Variants in DRD3 observed in about 807,000 individuals in gnomAD.
DRD3 encodes the protein dopamine receptor D3.
Under a neutral mutation model 36.3 loss-of-function variants are expected in DRD3, and 19 were observed. The ratio of observed to expected loss-of-function variants is 0.52; its 90% CI spans 0.36 to 0.77. DRD3 has a LOEUF of 0.77. Among genes scored for constraint, DRD3 ranks in the 30% least tolerant of loss-of-function variants. The probability of loss-of-function intolerance (pLI) is 0.00; values close to 1 mark genes in which losing one functional copy is unlikely to be tolerated. For synonymous variants in DRD3, 195 were observed against 203.7 expected, an observed-to-expected ratio of 0.96 and a Z score of 0.36; for missense variants, 465 against 505.3, an observed-to-expected ratio of 0.92 and a Z score of 0.77.
rs143953030 is a variant in DRD3, at chr3:114,171,864, G to A, written c.129C>T (p.Ile43=). 183 of 1,613,706 alleles carry A rather than the reference G, an allele frequency of 1.1e-4. 1 individual carries two copies. The African/African-American group carries it at 2.1e-3, about 18-fold the overall frequency. The change falls in exon 2 of 7, where the codon ATC becomes ATT. Residue 43 remains isoleucine (I), a synonymous_variant. Coordinates refer to ENST00000383673, the MANE Select transcript of DRD3 (RefSeq NM_000796.6). ...ALSYCALILA[I]VFGNGLVCMA... ...TGCACACCAGGCCATTGCCGAAGAC[G>A]ATGGCCAGGATGAGCGCGCAGTAGG... is the stretch of plus-strand genomic sequence containing the variant.
chr3:114,162,963 G>A (rs1250376109), intron 2 of DRD3, among the ~76,000 whole-genome samples: 2 of 152,198 alleles, frequency 1.3e-5, no homozygotes, highest in African/African-American at 4.8e-5. Context: ...TGCCTTTGGG[G>A]TTGGTGAAAG....
At chr3:114,139,462 G>A in intron 5 of DRD3, 38 bp downstream of exon 5, 1 of 1,577,774 alleles carries the variant, frequency 6.3e-7, no homozygotes, top group Non-Finnish European at 8.7e-7. Flanking sequence ...TCAGGAGATT[G>A]GGTGTTGTCT....
At chr3:114,162,082 T>C (rs2077738408) in intron 2 of DRD3, among the ~76,000 whole-genome samples, 1 of 152,216 alleles carries the variant, frequency 6.6e-6, no homozygotes, top group African/African-American at 2.4e-5. Flanking sequence ...TGCAGCAGTG[T>C]ATGTCATGTG....
At chr3:114,190,710 G>GT (rs5851918) in intron 1 of DRD3, among the ~76,000 whole-genome samples, 151,519 of 151,520 alleles carry the variant, frequency 1, 75,759 homozygotes, top group Non-Finnish European at 1. Flanking sequence ...TTTCCACTAT[G>GT]TCATGGTACT....
In DRD3 at chr3:114,136,676, T is replaced by G. The variant is rs144275599; in HGVS notation, c.723+2824A>C. 9.7e-3 allele frequency among the ~76,000 whole-genome samples: 1,480 copies of G among 152,318 alleles called. 31 individuals carry two copies. The highest frequency in any genetic ancestry group is 0.034 in the African/African-American group (1,396 of 41,558). On this transcript the variant is annotated intron_variant, in intron 5 of 6. Transcript: ENST00000383673. ...AGAAAGTCATTAACTATACTGAGAT[T>G]GAACAAAGCTCAGACCTTAATTATT...
At chr3:114,159,058 A>G (rs2077707902) in intron 3 of DRD3, among the ~76,000 whole-genome samples, 3 of 152,144 alleles carry the variant, frequency 2.0e-5, no homozygotes. Context: ...AGGGAGAAAC[A>G]GAGGGACCCA....
chr3:114,130,806 G>GTTATTTAAATATTTTAAATAA, intron 6 of DRD3, among the ~76,000 whole-genome samples: 4 of 151,986 alleles, frequency 2.6e-5, no homozygotes, highest in African/African-American at 9.7e-5. Flanking sequence ...AAATAACTAA[G>GTTATTTAAATATTTTAAATAA]CATTTGTTAA....
intron 1 of DRD3, among the ~76,000 whole-genome samples, chr3:114,193,241 T>C (rs2078021127): frequency 6.6e-6 from 1 of 152,186 alleles, no homozygotes; most frequent in Admixed American, 6.5e-5. Flanking sequence ...ATCGCGCCAC[T>C]GCACTCCAGC....
chr3:114,128,902 A>C lies in DRD3; in HGVS notation c.1017T>G (p.Ile339Met). 6.3e-7 allele frequency: 1 copy of C among 1,599,852 alleles called. No individual in the cohort carries two copies. The highest frequency in any genetic ancestry group is 8.5e-7 in the Non-Finnish European group (1 of 1,173,190). The change falls in exon 7 of 7, where the codon ATT (isoleucine) becomes ATG (methionine). Residue 339 changes from isoleucine to methionine, a missense_variant. Transcript: ENST00000383673. ...QMVAIVLGAF[I>M]VCWLPFFLTH... ...TCAAGAAGAAGGGCAGCCAGCAGAC[A>C]ATGAAGGCCCCTAAGTTGCCAAATA... is the stretch of plus-strand genomic sequence containing the variant.
upstream of DRD3, among the ~76,000 whole-genome samples, chr3:114,179,613 C>T (rs2077934438): frequency 6.6e-6 from 1 of 152,146 alleles, no homozygotes; most frequent in Non-Finnish European, 1.5e-5. Flanking sequence ...CATAAACAAT[C>T]CTAACTTATG....
At chr3:114,151,412 C>T (rs900033124) in intron 3 of DRD3, among the ~76,000 whole-genome samples, 3 of 152,164 alleles carry the variant, frequency 2.0e-5, no homozygotes, top group African/African-American at 7.2e-5. Flanking sequence ...TGGCTAACAA[C>T]AGGCTCTGTA....
In DRD3 at chr3:114,190,011, C is replaced by G. The variant is rs900068155; in HGVS notation, c.-156+9262G>C. Among the ~76,000 whole-genome samples, 4 of 152,104 alleles carry G rather than the reference C, an allele frequency of 2.6e-5. No individual in the cohort carries two copies. In the East Asian group the frequency reaches 7.7e-4, roughly 29 times the overall value. ...TGGGAGTGGGCTTGTGAAATCACAC[C>G]TGCTGTCACAGCAGATGGGGAAAAA... On this transcript the variant is annotated intron_variant, in intron 1 of 7. Transcript: ENST00000460779.
upstream of DRD3, among the ~76,000 whole-genome samples, chr3:114,182,450 A>T (rs979631250): frequency 2.0e-5 from 3 of 152,040 alleles, no homozygotes; most frequent in African/African-American, 7.3e-5. Context: ...TAGCAGAGTA[A>T]TAGTAAGGAA....
rs554955223 is a variant in DRD3, at chr3:114,169,883, A to T, written c.270+1840T>A. Among the ~76,000 whole-genome samples the T allele has an allele frequency of 1.2e-4, 19 of 152,344 alleles. No individual in the cohort carries two copies. In the South Asian group the frequency reaches 3.5e-3, roughly 28 times the overall value. On this transcript the variant is annotated intron_variant, in intron 2 of 6. Coordinates refer to ENST00000383673, the MANE Select transcript of DRD3 (RefSeq NM_000796.6). Reference sequence around the variant, plus strand: ...AGAAATAATCACAAATACATAGCCAACAAATGCCCCTGAGTGGCTTTGTTA... The same window carrying T: ...AGAAATAATCACAAATACATAGCCATCAAATGCCCCTGAGTGGCTTTGTTA...
At chr3:114,151,044 G>A (rs1170217159) in intron 3 of DRD3, among the ~76,000 whole-genome samples, 1 of 152,120 alleles carries the variant, frequency 6.6e-6, no homozygotes, top group Non-Finnish European at 1.5e-5. Context: ...CCACTTCTTG[G>A]GAGGCTACAA....
intron 3 of DRD3, among the ~76,000 whole-genome samples, chr3:114,150,753 G>A (rs546555775): frequency 6.6e-6 from 1 of 152,344 alleles, no homozygotes; most frequent in African/African-American, 2.4e-5. Context: ...AGGAAAGGAA[G>A]GACAGATGCT....
In DRD3 at chr3:114,159,862, T is replaced by C. The variant is rs200206609; in HGVS notation, c.276A>G (p.Thr92=). ...VMPWVVYLEV[T]GGVWNFSRIC... ...TGCGGCTGAAATTCCAGACTCCACCTGTCACCTGGGTATCAGAGACAAGGA... is the reference window on the plus strand; with the variant it reads ...TGCGGCTGAAATTCCAGACTCCACCCGTCACCTGGGTATCAGAGACAAGGA... The change falls in exon 3 of 7, where the codon ACA becomes ACG. Residue 92 remains threonine, a synonymous_variant. Transcript: ENST00000383673. 5 of 1,614,012 alleles carry C rather than the reference T, an allele frequency of 3.1e-6. No individual in the cohort carries two copies. Among genetic ancestry groups the C allele is most frequent in the Non-Finnish European group, 4.2e-6 (5 of 1,179,862 alleles).
At chr3:114,181,895 C>T (rs1454731993), upstream of DRD3, among the ~76,000 whole-genome samples, 4 of 152,314 alleles carry the variant, frequency 2.6e-5, no homozygotes, top group South Asian at 2.1e-4. Flanking sequence ...TTTAAACCCC[C>T]ACTGAGTTCC....
chr3:114,169,210 G>A (rs141209295), intron 2 of DRD3, among the ~76,000 whole-genome samples: 7 of 151,494 alleles, frequency 4.6e-5, no homozygotes, highest in Non-Finnish European at 4.4e-5. Flanking sequence ...TTTCATTAAG[G>A]TGCCTCATTT....
Sources: gnomAD v4.1 joint callset for allele counts (sites outside exome capture counted in the v4.1 genomes callset) on GRCh38, gnomAD v4.1.1 for gene constraint, MANE v1.5 for transcripts, NCBI Gene and HGNC (gene_info 2026-07-23, HGNC 2026-07-21) for gene names.